Variants in A2ML1 observed in about 807,000 individuals in gnomAD.
A2ML1 encodes the protein alpha-2-macroglobulin-like protein 1.
In A2ML1, 161 loss-of-function variants were observed where a neutral mutation model predicts 181.9. That is an observed-to-expected ratio of 0.89 (90% CI 0.78 to 1.01). The LOEUF (loss-of-function observed/expected upper bound fraction) is 1.01. Ranked by LOEUF, A2ML1 falls within the 50% of genes least tolerant of loss-of-function variation. The pLI is 0.00. For synonymous variants in A2ML1, 663 were observed against 666.8 expected, an observed-to-expected ratio of 0.99 and a Z score of 0.09; for missense variants, 1,670 against 1,768.1, an observed-to-expected ratio of 0.94 and a Z score of 1.00.
At chr12:8,829,301 A>C (rs895543814) in intron 3 of A2ML1, among the ~76,000 whole-genome samples, 6 of 152,170 alleles carry the variant, frequency 3.9e-5, no homozygotes, top group Non-Finnish European at 8.8e-5. Context: ...TTTTGTAAAA[A>C]AGTAAAACCT....
intron 15 of A2ML1, 39 bp downstream of exon 15, chr12:8,847,737 T>C: frequency 1.3e-6 from 2 of 1,589,484 alleles, no homozygotes; most frequent in Non-Finnish European, 1.7e-6. Context: ...AGGAGGGAGT[T>C]GATGGAGAAG....
intron 11 of A2ML1, among the ~76,000 whole-genome samples, chr12:8,842,121 C>T (rs1291029955): frequency 6.6e-6 from 1 of 152,156 alleles, no homozygotes; most frequent in East Asian, 1.9e-4. Flanking sequence ...ATGCAGGAGC[C>T]AGCTAGCCCA....
intron 33 of A2ML1, among the ~76,000 whole-genome samples, chr12:8,871,387 G>A (rs1312992992): frequency 3.3e-5 from 5 of 152,150 alleles, no homozygotes; most frequent in African/African-American, 7.2e-5. Context: ...TTGTTCATGT[G>A]TTTGATAACT....
intron 20 of A2ML1, 69 bp from the exon 21 acceptor site, chr12:8,854,059 C>G (rs1160801871): frequency 3.1e-5 from 45 of 1,449,952 alleles, no homozygotes; most frequent in Non-Finnish European, 4.0e-5. Context: ...AATGCTGATC[C>G]AAATGGGAAT....
downstream of A2ML1, among the ~76,000 whole-genome samples, chr12:8,881,561 A>G (rs193300397): frequency 7.2e-5 from 11 of 152,270 alleles, no homozygotes; most frequent in Admixed American, 5.2e-4. Flanking sequence ...TCCTGCTTTT[A>G]AGTGTTTCTT....
At chr12:8,867,820 T>C in intron 29 of A2ML1, 22 bp from the exon 30 acceptor site, 1 of 1,602,792 alleles carries the variant, frequency 6.2e-7, no homozygotes, top group Non-Finnish European at 8.5e-7. Context: ...ATGGTAAGTA[T>C]ACGTTTGGTT....
Position 8,845,245 on chromosome 12 carries a change from G to T in A2ML1, c.1477-197G>T, listed in dbSNP as rs7300139. ...GTGGTTCTCAGCCAGACCTCCAACT[G>T]CAGGAGGAGCCACCAGGACCCGTTG... is the stretch of plus-strand genomic sequence containing the variant. On this transcript the variant is annotated intron_variant, in intron 12 of 35. Transcript: ENST00000299698. 247,031 of 1,518,864 alleles carry T rather than the reference G, an allele frequency of 0.16. 23,732 individuals are homozygous for T. The highest frequency in any genetic ancestry group is 0.37 in the African/African-American group (26,559 of 72,670). 94.1% of individuals were successfully genotyped at this position (1,518,864 alleles called of 1,614,324 possible). A position where few individuals can be genotyped will look rare whatever the true frequency, so the allele number is the denominator to read the frequency against.
At position 8,847,569 on chromosome 12, in the gene A2ML1, C is replaced by G. The variant is rs780752277; in HGVS notation, c.1704C>G (p.Pro568=). The G allele has an allele frequency of 5.0e-6, 8 of 1,612,114 alleles. No homozygotes were observed. The highest frequency in any genetic ancestry group is 2.2e-5 in the South Asian group (2 of 90,700). ...CCCAGGTTTCCCTTGGCTTCTCCCC[C>G]TCCCAGCAGCTTCCAGGAGCAGAAG... ...FDNQVSLGFS[P]SQQLPGAEVE... is the part of the protein sequence containing the mutation. Residue 568 remains proline (P), a synonymous_variant, in exon 15 of 36, where the codon CCC becomes CCG. Transcript: ENST00000299698.
intron 14 of A2ML1, 89 bp downstream of exon 14, chr12:8,846,311 G>A: frequency 1.3e-6 from 2 of 1,486,984 alleles, no homozygotes; most frequent in Non-Finnish European, 1.9e-6. Context: ...GACAAGTCAG[G>A]GAAAGAAGAT....
intron 27 of A2ML1, 34 bp from the exon 28 acceptor site, chr12:8,861,101 C>T: frequency 6.2e-7 from 1 of 1,612,392 alleles, no homozygotes; most frequent in South Asian, 1.1e-5. Flanking sequence ...AAAGGAATGC[C>T]TTATAAGTTA....
At chr12:8,844,808 T>G in intron 12 of A2ML1, 1 of 211,362 alleles carries the variant, frequency 4.7e-6, no homozygotes, top group Non-Finnish European at 9.1e-6. Flanking sequence ...TGTGGGGAGG[T>G]GTAGGACAAA....
rs1472576349 is a variant in A2ML1, at chr12:8,868,103, C to G, written c.3933+46C>G. The G allele has an allele frequency of 3.1e-6, 5 of 1,608,468 alleles. No individual in the cohort carries two copies. The Admixed American group carries it at 6.7e-5, about 21-fold the overall frequency. On this transcript the variant is annotated intron_variant, in intron 30 of 35. Transcript: ENST00000299698. ...ATGAGCGGACATTGGGAAGGAGAGTCGGAGAGCATCTTCCCCTTAGGCCTT... is the reference window on the plus strand; with the variant it reads ...ATGAGCGGACATTGGGAAGGAGAGTGGGAGAGCATCTTCCCCTTAGGCCTT...
chr12:8,875,259 G>A (rs1036878749), intron 35 of A2ML1, among the ~76,000 whole-genome samples: 11 of 151,652 alleles, frequency 7.3e-5, no homozygotes, highest in Middle Eastern at 6.8e-3. Context: ...TGTATTTTTA[G>A]TAGAGACAGA....
chr12:8,822,725 G>C lies in A2ML1; in HGVS notation c.62+12G>C. On this transcript the variant is annotated intron_variant, in intron 1 of 35. Coordinates refer to ENST00000299698, the MANE Select transcript of A2ML1 (RefSeq NM_144670.6). ...GCAGAAGAACTTCCGTGAGTGCTTGGTGTCAGAATTGGTTTATTAGGGCAG... is the reference window on the plus strand; with the variant it reads ...GCAGAAGAACTTCCGTGAGTGCTTGCTGTCAGAATTGGTTTATTAGGGCAG... 1 of 1,613,930 alleles carries C rather than the reference G, an allele frequency of 6.2e-7. No homozygotes were observed. The highest frequency in any genetic ancestry group is 8.5e-7 in the Non-Finnish European group (1 of 1,179,808).
intron 4 of A2ML1, among the ~76,000 whole-genome samples, chr12:8,830,209 G>A (rs980344462): frequency 6.6e-6 from 1 of 151,892 alleles, no homozygotes; most frequent in Non-Finnish European, 1.5e-5. Flanking sequence ...GCACCATCAC[G>A]CCTGGCTAAT....
intron 28 of A2ML1, among the ~76,000 whole-genome samples, chr12:8,863,024 G>A (rs2159888): frequency 0.94 from 142,827 of 152,002 alleles, 67,742 homozygotes; most frequent in East Asian, 1. Flanking sequence ...TCATATAGTT[G>A]GCCTCATTAG....
intron 29 of A2ML1, among the ~76,000 whole-genome samples, chr12:8,867,258 A>G (rs1944453104): frequency 6.6e-6 from 1 of 152,244 alleles, no homozygotes. Flanking sequence ...GCAATAACTC[A>G]TTCTGAAACT....
chr12:8,830,285 C>T (rs1943068872), intron 4 of A2ML1, among the ~76,000 whole-genome samples: 1 of 152,070 alleles, frequency 6.6e-6, no homozygotes, highest in African/African-American at 2.4e-5. Flanking sequence ...CTCCTGACCT[C>T]AAGTGTTCCA....
Position 8,852,396 on chromosome 12 carries a change from G to A in A2ML1, c.2590+60G>A. 2.5e-6 allele frequency: 4 copies of A among 1,604,656 alleles called. No individual in the cohort carries two copies. The highest frequency in any genetic ancestry group is 3.4e-6 in the Non-Finnish European group (4 of 1,174,714). On this transcript the variant is annotated intron_variant, in intron 20 of 35. Transcript: ENST00000299698. This position sits in a 1 kb window ranked among gnomAD's most constrained non-coding sequence, Gnocchi z 4.2. ...CCAGCAGCAGAAGACCAGTGACTGAGCACTCAGTCTTTTCCTCTGCCACAT... is the reference window on the plus strand; with the variant it reads ...CCAGCAGCAGAAGACCAGTGACTGAACACTCAGTCTTTTCCTCTGCCACAT...
Sources: allele counts gnomAD v4.1 joint callset (sites outside exome capture counted in the v4.1 genomes callset), GRCh38; gene constraint gnomAD v4.1.1; non-coding constraint Gnocchi (gnomAD v3.1); transcripts MANE v1.5; gene names NCBI Gene and HGNC (gene_info 2026-07-23, HGNC 2026-07-21).